Variants in SMYD3 observed in about 807,000 individuals in gnomAD.
SMYD3 encodes the protein histone-lysine N-methyltransferase SMYD3.
SMYD3 carries 36 observed loss-of-function variants against 57.7 expected under a neutral mutation model. The observed-to-expected ratio is 0.62, with a 90% CI of 0.48 to 0.82. SMYD3 has a LOEUF of 0.82. Ranked by LOEUF, SMYD3 falls within the 40% of genes least tolerant of loss-of-function variation. SMYD3 has a pLI of 0.00. For synonymous variants in SMYD3, 211 were observed against 195.0 expected (o/e 1.08, Z -0.68); for missense variants, 515 against 538.8 (o/e 0.96, Z 0.44).
intron 5 of SMYD3, among the ~76,000 whole-genome samples, chr1:246,159,536 G>T (rs557737204): frequency 9.9e-5 from 15 of 152,198 alleles, no homozygotes; most frequent in African/African-American, 3.6e-4. Flanking sequence ...GCTTTTAACT[G>T]GCATGAATGG....
At chr1:246,076,237 C>A (rs1373247424) in intron 5 of SMYD3, among the ~76,000 whole-genome samples, 3 of 152,166 alleles carry the variant, frequency 2.0e-5, no homozygotes, top group Admixed American at 2.0e-4. Flanking sequence ...CCAAACCCGT[C>A]TCTACTTCAG....
At chr1:245,830,314 A>C (rs1291719795) in intron 10 of SMYD3, among the ~76,000 whole-genome samples, 1 of 152,132 alleles carries the variant, frequency 6.6e-6, no homozygotes. Flanking sequence ...GGCAAAGGAG[A>C]AGCAAAGGCA....
chr1:246,208,178 G>A (rs1210259535), intron 5 of SMYD3, among the ~76,000 whole-genome samples: 1 of 152,076 alleles, frequency 6.6e-6, no homozygotes, highest in East Asian at 1.9e-4. Context: ...CTCTCTGCAT[G>A]CACATTTTGA....
intron 5 of SMYD3, among the ~76,000 whole-genome samples, chr1:246,248,645 T>C (rs1435517864): frequency 7.6e-6 from 1 of 132,272 alleles, no homozygotes; most frequent in Non-Finnish European, 1.6e-5. Flanking sequence ...CCTTTTTTTT[T>C]TTTTTTTTTT....
At chr1:245,836,712 C>G (rs958485344) in intron 10 of SMYD3, among the ~76,000 whole-genome samples, 1 of 152,164 alleles carries the variant, frequency 6.6e-6, no homozygotes, top group Non-Finnish European at 1.5e-5. Context: ...TCACTGGCAG[C>G]AGGGGACTGG....
At chr1:245,930,716 T>G (rs1047219093) in intron 5 of SMYD3, 4 of 152,058 alleles carry the variant, frequency 2.6e-5, no homozygotes, top group African/African-American at 9.7e-5. Context: ...AAAAGAGCAG[T>G]GAAGAAAAAC....
Position 246,367,827 on chromosome 1 carries a change from T to C in SMYD3, c.165-12733A>G, listed in dbSNP as rs1178914331. ...TTCATTTCAAAGATGAATATTAGCA[T>C]TGTACCACCAAATAAGAGAAGATAT... On this transcript the variant is annotated intron_variant, in intron 1 of 11. Coordinates refer to ENST00000490107, the MANE Select transcript of SMYD3 (RefSeq NM_001167740.2). Among the ~76,000 whole-genome samples the C allele has an allele frequency of 2.0e-5, 3 of 152,308 alleles. No individual in the cohort carries two copies. In the East Asian group the frequency reaches 5.8e-4, roughly 29 times the overall value.
chr1:246,394,167 G>A (rs2148773241), intron 1 of SMYD3, among the ~76,000 whole-genome samples: 1 of 152,296 alleles, frequency 6.6e-6, no homozygotes, highest in Non-Finnish European at 1.5e-5. Context: ...TTATCAATAA[G>A]TACCTAAAAT....
intron 1 of SMYD3, among the ~76,000 whole-genome samples, chr1:246,444,534 A>G (rs935828408): frequency 6.6e-6 from 1 of 152,206 alleles, no homozygotes; most frequent in African/African-American, 2.4e-5. Flanking sequence ...AGCATGACTG[A>G]CTGCCTTTGT....
At chr1:245,869,174 G>GA (rs2052038088) in intron 8 of SMYD3, among the ~76,000 whole-genome samples, 1 of 151,444 alleles carries the variant, frequency 6.6e-6, no homozygotes, top group African/African-American at 2.4e-5. Context: ...TTTTTTTTAG[G>GA]GGATGGAAAC....
At chr1:246,218,350 G>A (rs1558323594) in intron 5 of SMYD3, among the ~76,000 whole-genome samples, 2 of 152,086 alleles carry the variant, frequency 1.3e-5, no homozygotes, top group Admixed American at 6.5e-5. Context: ...CAGGCCGGGC[G>A]CGGTGGCTCA....
intron 5 of SMYD3, among the ~76,000 whole-genome samples, chr1:246,008,931 C>T (rs1447051272): frequency 1.3e-5 from 2 of 152,176 alleles, no homozygotes; most frequent in Non-Finnish European, 2.9e-5. Context: ...AAGAATTCGG[C>T]TCTGGAGTCA....
intron 1 of SMYD3, among the ~76,000 whole-genome samples, chr1:246,450,544 C>T (rs556026541): frequency 6.6e-6 from 1 of 152,280 alleles, no homozygotes; most frequent in Admixed American, 6.5e-5. Context: ...ATGCATTTGT[C>T]GGAATTCATC....
intron 5 of SMYD3, among the ~76,000 whole-genome samples, chr1:246,087,810 T>C (rs2060744677): frequency 1.3e-5 from 2 of 152,196 alleles, no homozygotes; most frequent in Admixed American, 1.3e-4. Flanking sequence ...AGATTCTACA[T>C]GAAGACTTAC....
intron 5 of SMYD3, among the ~76,000 whole-genome samples, chr1:246,054,833 C>A (rs2060120936): frequency 7.3e-6 from 1 of 137,074 alleles, no homozygotes; most frequent in Non-Finnish European, 1.5e-5. Flanking sequence ...AAATTCAAAA[C>A]CATGATAAAA....
chr1:245,854,736 C>T (rs984076967), intron 10 of SMYD3, among the ~76,000 whole-genome samples: 1 of 152,004 alleles, frequency 6.6e-6, no homozygotes, highest in African/African-American at 2.4e-5. Flanking sequence ...TTTCCCCCAG[C>T]AAGACAAGCA....
chr1:246,108,428 A>T (rs1305211487), intron 5 of SMYD3, among the ~76,000 whole-genome samples: 1 of 152,172 alleles, frequency 6.6e-6, no homozygotes, highest in African/African-American at 2.4e-5. Context: ...CACACAATTA[A>T]TGTTATCAAC....
At chr1:246,290,538 G>A (rs937417218) in intron 5 of SMYD3, among the ~76,000 whole-genome samples, 5 of 152,060 alleles carry the variant, frequency 3.3e-5, no homozygotes, top group African/African-American at 9.7e-5. Flanking sequence ...CTTAACTTTC[G>A]AGTGTGAGAG....
At chr1:245,932,922 T>C (rs2056807058) in intron 5 of SMYD3, among the ~76,000 whole-genome samples, 1 of 152,212 alleles carries the variant, frequency 6.6e-6, no homozygotes, top group South Asian at 2.1e-4. Context: ...ACAGAAGGTT[T>C]AGTTTTTTGC....
Sources: gnomAD v4.1 joint callset for allele counts (sites outside exome capture counted in the v4.1 genomes callset) on GRCh38, gnomAD v4.1.1 for gene constraint, MANE v1.5 for transcripts, NCBI Gene and HGNC (gene_info 2026-07-23, HGNC 2026-07-21) for gene names.